The following THSD4 variants were observed in gnomAD, a reference collection of about 807,000 sequenced individuals.
THSD4 encodes thrombospondin type 1 domain containing 4.
Under a neutral mutation model 119.0 loss-of-function variants are expected in THSD4, and 69 were observed. The observed-to-expected ratio is 0.58, with a 90% CI of 0.48 to 0.71. The LOEUF (loss-of-function observed/expected upper bound fraction) is 0.71. THSD4 is among the 30% of genes least tolerant of loss of function. The probability of loss-of-function intolerance (pLI) is 0.00; values close to 1 mark genes in which losing one functional copy is unlikely to be tolerated. For missense variants in THSD4, 1,393 were observed against 1,391.1 expected (o/e 1.00, Z -0.02); for synonymous variants, 524 against 540.4 (o/e 0.97, Z 0.42).
intron 7 of THSD4, among the ~76,000 whole-genome samples, chr15:71,609,581 A>G (rs943944759): frequency 3.3e-5 from 5 of 152,206 alleles, no homozygotes; most frequent in Non-Finnish European, 2.9e-5. Flanking sequence ...GGCCGGGCGC[A>G]GTGGCTCACG....
intron 4 of THSD4, among the ~76,000 whole-genome samples, chr15:71,238,916 G>A (rs1479154713): frequency 1.3e-5 from 2 of 152,176 alleles, no homozygotes; most frequent in African/African-American, 4.8e-5. Context: ...CACTAGGAAT[G>A]TATGAGGTTA....
intron 6 of THSD4, among the ~76,000 whole-genome samples, chr15:71,265,220 G>C (rs1420037316): frequency 6.6e-6 from 1 of 152,052 alleles, no homozygotes; most frequent in Non-Finnish European, 1.5e-5. Flanking sequence ...CAATGCAGAA[G>C]GCAGGTGATT....
At chr15:71,415,233 A>C (rs2046743262) in intron 7 of THSD4, among the ~76,000 whole-genome samples, 1 of 152,256 alleles carries the variant, frequency 6.6e-6, no homozygotes, top group Non-Finnish European at 1.5e-5. Context: ...AACTGAGTCT[A>C]CAAAAGGGTC....
At chr15:71,223,129 G>A (rs1008777164) in intron 4 of THSD4, among the ~76,000 whole-genome samples, 2 of 152,094 alleles carry the variant, frequency 1.3e-5, no homozygotes, top group African/African-American at 2.4e-5. Flanking sequence ...GCATTTTATC[G>A]TGTCTTCATT....
At chr15:71,727,450 C>A (rs571671209) in intron 8 of THSD4, among the ~76,000 whole-genome samples, 19 of 150,220 alleles carry the variant, frequency 1.3e-4, no homozygotes, top group Non-Finnish European at 2.7e-4. Flanking sequence ...AATCCCAGCA[C>A]TTTGGGAGGC....
At chr15:71,452,434 T>C (rs893895277) in intron 7 of THSD4, among the ~76,000 whole-genome samples, 1 of 151,172 alleles carries the variant, frequency 6.6e-6, no homozygotes, top group Non-Finnish European at 1.5e-5. Context: ...CTGGAAACTT[T>C]AGTCCCTCCG....
chr15:71,196,384 A>G (rs1031185488), intron 3 of THSD4, among the ~76,000 whole-genome samples: 6 of 152,212 alleles, frequency 3.9e-5, no homozygotes, highest in African/African-American at 1.4e-4. Context: ...AGGCTATAGT[A>G]GGTAAAGTTT....
chr15:71,309,631 C>T (rs1290905931), intron 6 of THSD4, among the ~76,000 whole-genome samples: 2 of 152,152 alleles, frequency 1.3e-5, no homozygotes, highest in Non-Finnish European at 2.9e-5. Flanking sequence ...AGTTTTAGAT[C>T]CCTGACCCAT....
In THSD4 at chr15:71,294,929, A is replaced by AG. The variant is rs112752686; in HGVS notation, c.1015+38214_1015+38215insG. 7.6e-3 allele frequency among the ~76,000 whole-genome samples: 1,154 copies of AG among 151,458 alleles called. 19 individuals are homozygous for AG. The highest frequency in any genetic ancestry group is 0.025 in the African/African-American group (1,042 of 41,306). ...TCTGCAGTTCTCACAGCTGTAAAAA[A>AG]AAAAAAAAAAAATACAGTCTTGTTT... On this transcript the variant is annotated intron_variant, in intron 6 of 17. Transcript: ENST00000261862.
At chr15:71,643,451 T>C (rs2050905769) in intron 7 of THSD4, among the ~76,000 whole-genome samples, 1 of 152,110 alleles carries the variant, frequency 6.6e-6, no homozygotes, top group Admixed American at 6.6e-5. Context: ...TCTGCTCCTC[T>C]CCTTTCTCCC....
chr15:71,110,948 G>A (rs999770510), upstream of THSD4: 5 of 598,484 alleles, frequency 8.4e-6, no homozygotes, highest in Non-Finnish European at 1.2e-5. Flanking sequence ...GTTAATCATC[G>A]CCGGAAGAAG....
chr15:71,314,109 G>T (rs57917860), intron 6 of THSD4, among the ~76,000 whole-genome samples: 386 of 152,220 alleles, frequency 2.5e-3, no homozygotes, highest in African/African-American at 8.9e-3. Context: ...TTCTCAGTGA[G>T]TTGGAAAAGA....
At position 71,716,012 on chromosome 15, in the gene THSD4, C is replaced by G. The variant is rs1260574061; in HGVS notation, c.1358-12537C>G. On this transcript the variant is annotated intron_variant, in intron 8 of 17. Coordinates refer to ENST00000261862, the MANE Select transcript of THSD4 (RefSeq NM_024817.3). ...TTAAAACAACAGAAATTCATTCTCT[C>G]ACAGTTCTGGAGACCAGAATTCTGA... Among the ~76,000 whole-genome samples the G allele has an allele frequency of 3.9e-5, 6 of 152,182 alleles. No homozygotes were observed. In the East Asian group the frequency reaches 7.7e-4, roughly 20 times the overall value.
chr15:71,504,043 T>A (rs1418992847), intron 7 of THSD4, among the ~76,000 whole-genome samples: 4 of 152,190 alleles, frequency 2.6e-5, no homozygotes, highest in African/African-American at 9.6e-5. Context: ...AGCATGGTCC[T>A]AGCTTGGGGA....
intron 17 of THSD4, among the ~76,000 whole-genome samples, chr15:71,772,885 C>G (rs943173843): frequency 1.3e-5 from 2 of 152,016 alleles, no homozygotes; most frequent in Non-Finnish European, 2.9e-5. Context: ...AAGACTCTAA[C>G]AGAGAAAACA....
chr15:71,297,320 T>TTTTGTTTGTTTG (rs1555461740), intron 6 of THSD4, among the ~76,000 whole-genome samples: 1 of 147,982 alleles, frequency 6.8e-6, no homozygotes, highest in East Asian at 2.0e-4. Flanking sequence ...CTCTTCTTTT[T>TTTTGTTTGTTTG]TTTGTTTGTT....
At chr15:71,136,358 G>T (rs1306582967) in intron 1 of THSD4, among the ~76,000 whole-genome samples, 1 of 152,140 alleles carries the variant, frequency 6.6e-6, no homozygotes, top group Non-Finnish European at 1.5e-5. Context: ...CATAAGGAGA[G>T]TTTGCGTAAA....
intron 6 of THSD4, among the ~76,000 whole-genome samples, chr15:71,346,749 TTATG>T (rs1454660577): frequency 6.6e-6 from 1 of 152,226 alleles, no homozygotes; most frequent in Non-Finnish European, 1.5e-5. Flanking sequence ...GCAATGCGTC[TTATG>T]TATGTAAGCA....
At chr15:71,507,354 T>G (rs1404336673) in intron 7 of THSD4, among the ~76,000 whole-genome samples, 3 of 152,238 alleles carry the variant, frequency 2.0e-5, no homozygotes, top group African/African-American at 7.2e-5. Flanking sequence ...ATTTGGGTTT[T>G]CCTGGCTTCT....
Sources: gnomAD v4.1 joint callset for allele counts (sites outside exome capture counted in the v4.1 genomes callset) on GRCh38, gnomAD v4.1.1 for gene constraint, MANE v1.5 for transcripts, NCBI Gene and HGNC (gene_info 2026-07-23, HGNC 2026-07-21) for gene names.